TP63: variants seen among roughly 807,000 people sequenced by gnomAD.
The protein encoded by TP63 is tumor protein 63.
A neutral mutation model predicts 82.8 loss-of-function variants in TP63; 17 were observed. The observed-to-expected ratio is 0.21, with a 90% confidence interval of 0.14 to 0.31. The LOEUF (loss-of-function observed/expected upper bound fraction) is 0.31. Ranked by LOEUF, TP63 falls within the 10% of genes least tolerant of loss-of-function variation. The pLI, the probability that TP63 is intolerant of heterozygous loss-of-function variation, is 1.00. For synonymous variants in TP63, 330 were observed against 321.7 expected (o/e 1.03, Z -0.28); for missense variants, 648 against 895.3 (o/e 0.72, Z 3.52).
intron 4 of TP63, among the ~76,000 whole-genome samples, chr3:189,820,512 A>T (rs1208313044): frequency 6.6e-6 from 1 of 151,896 alleles, no homozygotes; most frequent in Admixed American, 6.6e-5. Flanking sequence ...CCCCAACCTA[A>T]GTGTAATTGT....
chr3:189,801,428 A>G (rs935350076), intron 3 of TP63, among the ~76,000 whole-genome samples: 3 of 152,160 alleles, frequency 2.0e-5, no homozygotes, highest in Non-Finnish European at 4.4e-5. Flanking sequence ...ATAAAATGAT[A>G]ATAATTCCTT....
chr3:189,783,097 G>A (rs188353565), intron 3 of TP63, among the ~76,000 whole-genome samples: 83 of 151,912 alleles, frequency 5.5e-4, no homozygotes, highest in African/African-American at 1.8e-3. Context: ...AAGAAAAATC[G>A]AAGCAAATTG....
intron 1 of TP63, among the ~76,000 whole-genome samples, chr3:189,665,574 G>C (rs1714310477): frequency 6.6e-6 from 1 of 152,100 alleles, no homozygotes; most frequent in African/African-American, 2.4e-5. Flanking sequence ...CTAACATGCA[G>C]AGGATGGCTG....
At chr3:189,823,423 A>G (rs1729001641) in intron 4 of TP63, among the ~76,000 whole-genome samples, 1 of 152,130 alleles carries the variant, frequency 6.6e-6, no homozygotes, top group Non-Finnish European at 1.5e-5. Flanking sequence ...AGGGGCCTGC[A>G]GTAAAGGAGA....
intron 4 of TP63, chr3:189,830,058 A>G (rs1176943455): frequency 9.2e-6 from 2 of 216,698 alleles, no homozygotes; most frequent in African/African-American, 4.8e-5. Context: ...ACTGGAAAGA[A>G]AGGCCAACGG....
intron 1 of TP63, among the ~76,000 whole-genome samples, chr3:189,683,437 A>T (rs899066529): frequency 2.5e-4 from 38 of 152,180 alleles, no homozygotes; most frequent in African/African-American, 8.7e-4. Flanking sequence ...TAATGTTTTG[A>T]TAATAATTTA....
intron 1 of TP63, among the ~76,000 whole-genome samples, chr3:189,732,410 G>A (rs1720238852): frequency 6.6e-6 from 1 of 152,174 alleles, no homozygotes; most frequent in Admixed American, 6.5e-5. Flanking sequence ...GGTTACAGAT[G>A]GAAGGGAGGG....
At chr3:189,664,799 A>C (rs1714230878) in intron 1 of TP63, among the ~76,000 whole-genome samples, 1 of 152,150 alleles carries the variant, frequency 6.6e-6, no homozygotes, top group Admixed American at 6.6e-5. Flanking sequence ...GTTTTTATGT[A>C]ATGTTTAAGA....
the TP63 span, among the ~76,000 whole-genome samples, chr3:189,608,450 C>T: frequency 0.038 from 5,783 of 152,124 alleles, 131 homozygotes; most frequent in African/African-American, 0.06. Flanking sequence ...TCTGAGGCTA[C>T]GATATCTCTC....
intron 4 of TP63, chr3:189,844,512 CT>C (rs2108750083): frequency 5.4e-6 from 1 of 184,196 alleles, no homozygotes; most frequent in African/African-American, 2.4e-5. Flanking sequence ...TCTCAAACTC[CT>C]GACCTGAGGT....
At chr3:189,696,582 T>G (rs1264189533) in intron 1 of TP63, among the ~76,000 whole-genome samples, 1 of 152,140 alleles carries the variant, frequency 6.6e-6, no homozygotes, top group Non-Finnish European at 1.5e-5. Context: ...TTGGTGAATC[T>G]TCTATAGTAA....
chr3:189,690,115 G>A (rs1716798037), intron 1 of TP63, among the ~76,000 whole-genome samples: 1 of 109,132 alleles, frequency 9.2e-6, no homozygotes, highest in Non-Finnish European at 1.9e-5. Flanking sequence ...TAGTTTTGTG[G>A]CCTTGGGAAA....
At chr3:189,620,944 G>A in the TP63 span, among the ~76,000 whole-genome samples, 1 of 152,064 alleles carries the variant, frequency 6.6e-6, no homozygotes, top group African/African-American at 2.4e-5. Context: ...CATTCATCTT[G>A]GCATAATATT....
the TP63 span, among the ~76,000 whole-genome samples, chr3:189,611,667 G>T: frequency 6.6e-6 from 1 of 152,168 alleles, no homozygotes. Context: ...GATGAAGAAT[G>T]TCATTGGTTG....
chr3:189,744,642 T>A (rs1399020134), intron 3 of TP63, among the ~76,000 whole-genome samples: 9 of 152,220 alleles, frequency 5.9e-5, no homozygotes, highest in Admixed American at 5.9e-4. Flanking sequence ...CTGTCACAGC[T>A]ACTGTCAATA....
intron 3 of TP63, 28 bp from the exon 4 acceptor site, chr3:189,808,244 A>C (rs1171620742): frequency 6.2e-7 from 1 of 1,614,080 alleles, no homozygotes; most frequent in Non-Finnish European, 8.5e-7. Context: ...TCAGCGGCTA[A>C]TATTGGGGTT....
chr3:189,679,659 G>C (rs1468984411), intron 1 of TP63, among the ~76,000 whole-genome samples: 2 of 151,666 alleles, frequency 1.3e-5, no homozygotes, highest in Non-Finnish European at 2.9e-5. Context: ...GTCTACTCTG[G>C]CTTTTGTTGC....
At chr3:189,745,102 A>C (rs1188150253) in intron 3 of TP63, among the ~76,000 whole-genome samples, 4 of 152,250 alleles carry the variant, frequency 2.6e-5, no homozygotes, top group African/African-American at 7.2e-5. Context: ...TTCATAGATA[A>C]TGTCTTCAGG....
At chr3:189,806,807 T>C (rs1421595155) in intron 3 of TP63, among the ~76,000 whole-genome samples, 2 of 152,176 alleles carry the variant, frequency 1.3e-5, no homozygotes, top group African/African-American at 4.8e-5. Flanking sequence ...GGAATGAGCA[T>C]GTGACTATTA....
Sources: gnomAD v4.1 joint callset for allele counts (sites outside exome capture counted in the v4.1 genomes callset) on GRCh38, gnomAD v4.1.1 for gene constraint, MANE v1.5 for transcripts, NCBI Gene and HGNC (gene_info 2026-07-23, HGNC 2026-07-21) for gene names.